GLRX3: variants seen among roughly 807,000 people sequenced by gnomAD.
GLRX3 encodes glutaredoxin-3.
A neutral mutation model predicts 49.5 loss-of-function variants in GLRX3; 22 were observed. The observed-to-expected ratio is 0.44, with a 90% CI of 0.32 to 0.63. The LOEUF (loss-of-function observed/expected upper bound fraction) is 0.63, where lower values mean the gene tolerates loss of function less well. Among genes scored for constraint, GLRX3 ranks in the 30% least tolerant of loss-of-function variants. The probability of loss-of-function intolerance (pLI) is 0.05; values close to 1 mark genes in which losing one functional copy is unlikely to be tolerated. For synonymous variants in GLRX3, 133 were observed against 140.0 expected, an observed-to-expected ratio of 0.95 and a Z score of 0.35; for missense variants, 385 against 396.3, an observed-to-expected ratio of 0.97 and a Z score of 0.24.
intron 2 of GLRX3, among the ~76,000 whole-genome samples, chr10:130,149,258 A>G (rs1252237607): frequency 2.0e-5 from 3 of 152,120 alleles, no homozygotes; most frequent in Admixed American, 6.5e-5. Context: ...CTTGAGTAAC[A>G]TGGTGAAACC....
At chr10:130,142,211 A>C (rs1862188641) in intron 1 of GLRX3, among the ~76,000 whole-genome samples, 1 of 152,072 alleles carries the variant, frequency 6.6e-6, no homozygotes, top group African/African-American at 2.4e-5. Context: ...TCCCTTCATC[A>C]GTCCTACCAG....
chr10:130,169,591 T>G (rs1370731629), intron 7 of GLRX3, 101 bp downstream of exon 7: 1 of 771,716 alleles, frequency 1.3e-6, no homozygotes, highest in Non-Finnish European at 2.3e-6. Context: ...CTAATGAAGC[T>G]GTAGCGATAT....
At chr10:130,168,001 T>A (rs1338411015) in intron 6 of GLRX3, among the ~76,000 whole-genome samples, 1 of 152,204 alleles carries the variant, frequency 6.6e-6, no homozygotes, top group East Asian at 1.9e-4. Flanking sequence ...GTTTTTTATA[T>A]GCTTGTATTT....
intron 4 of GLRX3, among the ~76,000 whole-genome samples, chr10:130,161,523 A>G (rs1487450217): frequency 6.6e-6 from 1 of 152,110 alleles, no homozygotes; most frequent in East Asian, 1.9e-4. Flanking sequence ...CTCTTCCTGC[A>G]TTGCTGTCAT....
At chr10:130,145,351 A>T (rs1485362164) in intron 2 of GLRX3, 32 bp downstream of exon 2, 1 of 998,792 alleles carries the variant, frequency 1.0e-6, no homozygotes, top group African/African-American at 1.6e-5. Context: ...GTCTTTTGTG[A>T]ATTTAATTCT....
chr10:130,166,121 A>C (rs1590069878), intron 4 of GLRX3, among the ~76,000 whole-genome samples: 1 of 152,318 alleles, frequency 6.6e-6, no homozygotes, highest in African/African-American at 2.4e-5. Flanking sequence ...CAGTTTCCCC[A>C]GTCTCTGGGA....
intron 10 of GLRX3, among the ~76,000 whole-genome samples, chr10:130,175,901 T>C (rs1862907599): frequency 6.6e-6 from 1 of 152,064 alleles, no homozygotes. Context: ...TGGTTGGGTA[T>C]AGAGAGGAGC....
chr10:130,175,139 G>T, intron 10 of GLRX3, 50 bp downstream of exon 10: 1 of 1,040,640 alleles, frequency 9.6e-7, no homozygotes, highest in Non-Finnish European at 1.5e-6. Flanking sequence ...ATTTTGGTAT[G>T]TTTAAAAATG....
intron 2 of GLRX3, among the ~76,000 whole-genome samples, chr10:130,148,147 T>G (rs1402447119): frequency 6.6e-6 from 1 of 152,040 alleles, no homozygotes; most frequent in Non-Finnish European, 1.5e-5. Flanking sequence ...TTCTTAGTCT[T>G]TTTTTTGGAG....
chr10:130,168,323 T>C (rs543246541), intron 6 of GLRX3, among the ~76,000 whole-genome samples: 5 of 152,324 alleles, frequency 3.3e-5, no homozygotes, highest in Non-Finnish European at 7.3e-5. Flanking sequence ...GGGTCAGCAT[T>C]GTATTCCTAT....
chr10:130,140,705 A>G (rs897712476), intron 1 of GLRX3, among the ~76,000 whole-genome samples: 1 of 152,150 alleles, frequency 6.6e-6, no homozygotes, highest in Non-Finnish European at 1.5e-5. Flanking sequence ...GGCTCATACT[A>G]TTATAAAGTT....
intron 4 of GLRX3, among the ~76,000 whole-genome samples, chr10:130,164,562 G>A (rs1326499689): frequency 6.6e-6 from 1 of 152,044 alleles, no homozygotes; most frequent in South Asian, 2.1e-4. Context: ...AATGACTGGG[G>A]GTGGAAATGG....
At position 130,171,594 on chromosome 10, in the gene GLRX3, G is replaced by T. The variant is rs1466562713; in HGVS notation, c.782G>T (p.Cys261Phe). ...TTTTTTTTCATTTAGGAAGCAAAAT[G>T]TGGATTCAGCAAACAAATTCTGGAA... ...FMKGNKQEAKCGFSKQILEIL... is the reference protein window; with the variant it reads ...FMKGNKQEAKFGFSKQILEIL... Residue 261 changes from cysteine (C) to phenylalanine (F), a missense_variant, in exon 8 of 11, where the codon TGT becomes TTT. Physicochemically the swap from Cys to Phe is radical, Grantham distance 205. This residue lies in a region of GLRX3 where 374 missense variants were observed against 358.6 expected (regional missense o/e 1.04). Transcript: ENST00000331244. 6.5e-7 allele frequency: 1 copy of T among 1,540,850 alleles called. No homozygotes were observed.
intron 2 of GLRX3, 48 bp downstream of exon 2, chr10:130,145,367 A>G (rs1564987967): frequency 2.2e-6 from 2 of 924,808 alleles, no homozygotes. Flanking sequence ...ATTCTGATTT[A>G]TGGGTTAGAT....
intron 2 of GLRX3, among the ~76,000 whole-genome samples, chr10:130,145,671 A>G (rs1862258281): frequency 6.6e-6 from 1 of 152,164 alleles, no homozygotes; most frequent in Non-Finnish European, 1.5e-5. Context: ...CTAAATAAAT[A>G]AATAAATAAA....
chr10:130,146,637 G>A (rs1288373066), intron 2 of GLRX3, among the ~76,000 whole-genome samples: 1 of 152,196 alleles, frequency 6.6e-6, no homozygotes, highest in Non-Finnish European at 1.5e-5. Context: ...ATTATCAGGA[G>A]GGGAGGTGCA....
chr10:130,167,095 G>T, intron 6 of GLRX3, 115 bp downstream of exon 6: 1 of 557,536 alleles, frequency 1.8e-6, no homozygotes, highest in Middle Eastern at 4.7e-4. Flanking sequence ...TGGTATGCCA[G>T]ACGTCATAAT....
At chr10:130,166,149 C>A (rs2134912058) in intron 4 of GLRX3, among the ~76,000 whole-genome samples, 1 of 152,304 alleles carries the variant, frequency 6.6e-6, no homozygotes, top group Admixed American at 6.5e-5. Flanking sequence ...TGTGCACCAT[C>A]ACCCCCAGGT....
intron 1 of GLRX3, among the ~76,000 whole-genome samples, chr10:130,137,900 A>G (rs1275461866): frequency 6.6e-6 from 1 of 151,740 alleles, no homozygotes; most frequent in Admixed American, 6.6e-5. Flanking sequence ...ACGCCCGTCT[A>G]ATTTTTATTT....
Sources: gnomAD v4.1 joint callset for allele counts (sites outside exome capture counted in the v4.1 genomes callset) on GRCh38, gnomAD v4.1.1 for gene constraint, gnomAD v4.1.1 regional missense constraint, MANE v1.5 for transcripts, NCBI Gene and HGNC (gene_info 2026-07-23, HGNC 2026-07-21) for gene names.